The following HTT variants were observed in gnomAD, a reference collection of about 807,000 sequenced individuals.
HTT encodes huntingtin, also known as huntington disease protein.
Under a neutral mutation model 362.3 loss-of-function variants are expected in HTT, and 104 were observed. The ratio of observed to expected loss-of-function variants is 0.29; its 90% CI spans 0.24 to 0.34. The LOEUF is 0.34. HTT is among the 10% of genes least tolerant of loss of function. HTT has a pLI of 1.00. For missense variants in HTT, 3,301 were observed against 3,928.6 expected (o/e 0.84, Z 4.27); for synonymous variants, 1,577 against 1,548.7 (o/e 1.02, Z -0.43).
chr4:3,083,534 C>G (rs61792474), intron 1 of HTT, among the ~76,000 whole-genome samples: 1 of 56,668 alleles, frequency 1.8e-5, no homozygotes, highest in Non-Finnish European at 4.7e-5. Flanking sequence ...TAAATATACA[C>G]ACACACACAC....
chr4:3,151,057 A>C (rs1038989706), intron 26 of HTT, among the ~76,000 whole-genome samples: 12 of 151,188 alleles, frequency 7.9e-5, no homozygotes, highest in South Asian at 2.1e-4. Flanking sequence ...AACAAAACAA[A>C]AAAAAAAAAA....
intron 29 of HTT, among the ~76,000 whole-genome samples, 171 bp from the exon 30 acceptor site, chr4:3,172,149 A>G (rs1031330594): frequency 6.6e-6 from 1 of 152,234 alleles, no homozygotes; most frequent in African/African-American, 2.4e-5. Flanking sequence ...CTTGGATTTC[A>G]AGACTTTTTA....
intron 7 of HTT, 148 bp downstream of exon 7, chr4:3,115,593 A>G: frequency 3.0e-6 from 2 of 658,902 alleles, no homozygotes; most frequent in Non-Finnish European, 5.1e-6. Flanking sequence ...GGCTGCTGTG[A>G]GCCCGCATGG....
At chr4:3,157,498 A>G (rs927895272) in intron 28 of HTT, among the ~76,000 whole-genome samples, 3 of 152,224 alleles carry the variant, frequency 2.0e-5, no homozygotes, top group African/African-American at 7.2e-5. Context: ...ATCCGTGTAC[A>G]GGCTTCCTTC....
chr4:3,235,299 C>G lies in HTT; in HGVS notation c.8472C>G (p.His2824Gln), dbSNP rs1560607263. ...LKGIAHCVNI[H>Q]SQQHVLVMCA... ...CCGTTTTCAGCTGCGTGAACATTCA[C>G]AGCCAGCAGCACGTACTGGTCATGT... is the stretch of plus-strand genomic sequence containing the variant. Residue 2824 changes from histidine (H) to glutamine (Q), a missense_variant, in exon 62 of 67, where the codon CAC (histidine) becomes CAG (glutamine). His to Gln is a conservative substitution (Grantham distance 24). Coordinates refer to ENST00000355072, the MANE Select transcript of HTT (RefSeq NM_001388492.1). 6.2e-7 allele frequency: 1 copy of G among 1,612,944 alleles called. No individual in the cohort carries two copies. The highest frequency in any genetic ancestry group is 1.7e-5 in the Admixed American group (1 of 60,002).
At chr4:3,200,000 A>C (rs920004463) in intron 41 of HTT, 61 bp downstream of exon 41, 5 of 1,407,308 alleles carry the variant, frequency 3.6e-6, no homozygotes, top group African/African-American at 1.4e-5. Flanking sequence ...TGAGACTCCC[A>C]GTAACCTGAG....
intron 1 of HTT, among the ~76,000 whole-genome samples, 162 bp downstream of exon 1, chr4:3,075,250 T>A (rs1276607607): frequency 6.6e-6 from 1 of 152,162 alleles, no homozygotes; most frequent in African/African-American, 2.4e-5. Context: ...CGCCCCCTCC[T>A]GGGGCGAGGC....
chr4:3,131,061 C>G (rs373168163), intron 14 of HTT, among the ~76,000 whole-genome samples: 1 of 152,010 alleles, frequency 6.6e-6, no homozygotes, highest in African/African-American at 2.4e-5. Flanking sequence ...CTGCATTTAT[C>G]CCCTGCCACA....
intron 33 of HTT, among the ~76,000 whole-genome samples, chr4:3,176,085 G>T (rs1422067755): frequency 6.7e-6 from 1 of 149,168 alleles, no homozygotes; most frequent in Non-Finnish European, 1.5e-5. Flanking sequence ...TGGAGTGCAG[G>T]GGTGCGATCT....
At position 3,223,562 on chromosome 4, in the gene HTT, T is replaced by G. The variant is rs1324522526; in HGVS notation, c.7625+2T>G. ...GCCTCTGAAAGCTCTCGACACCAGG[T>G]TTGCTTGAGTTCCCACGTGTCTCTG... On this transcript the variant is annotated splice_donor_variant, in intron 55 of 66. Transcript: ENST00000355072. LOFTEE classifies it high-confidence loss of function. 6.2e-7 allele frequency: 1 copy of G among 1,601,996 alleles called. No individual in the cohort carries two copies. Among genetic ancestry groups the G allele is most frequent in the Non-Finnish European group, 8.5e-7 (1 of 1,173,282 alleles).
At position 3,074,928 on chromosome 4, in the gene HTT, CAG is replaced by C. The variant is rs1491324954; in HGVS notation, c.104_105del (p.Gln35ProfsTer47). On this transcript the variant is annotated frameshift_variant, in exon 1 of 67. Transcript: ENST00000355072. LOFTEE classifies it high-confidence loss of function. The stretch of plus-strand genomic sequence containing the variant: ...GCAGCAGCAGCAGCAGCAGCAGCAG[CAG>C]CAGCAACAGCCGCCACCGCCGCCGC... ...QQQQQQQQQQ[Q>X]QQQPPPPPPP... 4.4e-4 allele frequency: 635 copies of C among 1,438,910 alleles called. 4 individuals are homozygous for C. The South Asian group carries it at 6.9e-3, about 16-fold the overall frequency. The allele number at this position is 1,438,910 out of a possible 1,614,324, so 89.1% of individuals were successfully genotyped here.
rs149744941 is a variant in HTT at position 3,182,481 on chromosome 4, G to A, written c.4866+11G>A. The A allele has an allele frequency of 2.7e-3, 4,185 of 1,562,556 alleles. 65 individuals are homozygous for A. The highest frequency in any genetic ancestry group is 0.02 in the South Asian group (1,812 of 89,918). ...TTAGCCAAACAGCAGGTTTGTCCCCGCAGCCTTGGCTTGTTGTTGCATAGT... is the reference window on the plus strand; with the variant it reads ...TTAGCCAAACAGCAGGTTTGTCCCCACAGCCTTGGCTTGTTGTTGCATAGT... On this transcript the variant is annotated intron_variant, in intron 37 of 66. Coordinates refer to ENST00000355072, the MANE Select transcript of HTT (RefSeq NM_001388492.1).
At position 3,236,280 on chromosome 4, in the gene HTT, G is replaced by A. The variant is rs200905564; in HGVS notation, c.8891+26G>A. 1.0e-4 allele frequency: 155 copies of A among 1,478,000 alleles called. 1 individual carries two copies. The East Asian group carries it at 2.9e-3, about 28-fold the overall frequency. The allele number at this position is 1,478,000 out of a possible 1,614,324, so 91.6% of individuals were successfully genotyped here. A position where few individuals can be genotyped will look rare whatever the true frequency, so the allele number is the denominator to read the frequency against. On this transcript the variant is annotated intron_variant, in intron 64 of 66. Coordinates refer to ENST00000355072, the MANE Select transcript of HTT (RefSeq NM_001388492.1). The stretch of plus-strand genomic sequence containing the variant: ...GTAAGAAGCGAAGCCCCATCCCTCA[G>A]CCGTTAGCTTCCCTAGAACTTTGGC...
chr4:3,113,917 G>C (rs1347500127), intron 6 of HTT, among the ~76,000 whole-genome samples: 1 of 152,116 alleles, frequency 6.6e-6, no homozygotes. Context: ...CAGTCGGGGA[G>C]ACCCTAACCC....
chr4:3,143,436 C>CAAAAAAA (rs1056047426), intron 23 of HTT, among the ~76,000 whole-genome samples: 3 of 70,156 alleles, frequency 4.3e-5, no homozygotes, highest in Non-Finnish European at 8.2e-5. Flanking sequence ...GACTCTGTCT[C>CAAAAAAA]AAAAAAAAAA....
chr4:3,122,778 C>T (rs902283901), intron 9 of HTT, 111 bp from the exon 10 acceptor site: 11 of 789,088 alleles, frequency 1.4e-5, no homozygotes, highest in Admixed American at 4.9e-5. Flanking sequence ...TGTGGAAAAA[C>T]GTTCACATTT....
At chr4:3,154,253 TTTTG>T (rs1178808039) in intron 26 of HTT, 36 bp from the exon 27 acceptor site, 19 of 1,466,626 alleles carry the variant, frequency 1.3e-5, no homozygotes, top group Non-Finnish European at 1.6e-5. Context: ...CATCACATGT[TTTTG>T]TTTTTTTGTT....
At chr4:3,209,720 C>G (rs1412247544) in intron 46 of HTT, 107 bp from the exon 47 acceptor site, 2 of 1,382,392 alleles carry the variant, frequency 1.4e-6, no homozygotes, top group African/African-American at 2.9e-5. Flanking sequence ...GCCCTCTCAG[C>G]CTAGTGCGGT....
chr4:3,231,190 C>T (rs1348685873), intron 60 of HTT, among the ~76,000 whole-genome samples: 2 of 152,368 alleles, frequency 1.3e-5, no homozygotes, highest in African/African-American at 2.4e-5. Context: ...CTCATTTCTT[C>T]AACAAACACC....
Sources: gnomAD v4.1 joint callset for allele counts (sites outside exome capture counted in the v4.1 genomes callset) on GRCh38, gnomAD v4.1.1 for gene constraint, MANE v1.5 for transcripts, NCBI Gene and HGNC (gene_info 2026-07-23, HGNC 2026-07-21) for gene names.